ARHGAP40: variants seen among roughly 807,000 people sequenced by gnomAD.
ARHGAP40 encodes rho GTPase-activating protein 40.
In ARHGAP40, 43 loss-of-function variants were observed where a neutral mutation model predicts 73.5. The ratio of observed to expected loss-of-function variants is 0.58; its 90% CI spans 0.46 to 0.75. ARHGAP40 has a LOEUF of 0.75. ARHGAP40 is among the 30% of genes least tolerant of loss of function. The pLI, the probability that ARHGAP40 is intolerant of heterozygous loss-of-function variation, is 0.00. For synonymous variants in ARHGAP40, 300 were observed against 352.8 expected, an observed-to-expected ratio of 0.85 and a Z score of 1.68; for missense variants, 734 against 861.8, an observed-to-expected ratio of 0.85 and a Z score of 1.86.
At chr20:38,648,683 G>T in exon 14 of ARHGAP40, 1 of 1,305,792 alleles carries the variant, frequency 7.7e-7, no homozygotes, top group Non-Finnish European at 1.0e-6. Context: ...CCTCTATGAA[G>T]TTGGAGGGAA....
At chr20:38,636,483 G>A (rs559001165) in intron 6 of ARHGAP40, among the ~76,000 whole-genome samples, 13 of 151,916 alleles carry the variant, frequency 8.6e-5, no homozygotes, top group Non-Finnish European at 1.8e-4. Context: ...GACCGGTCTC[G>A]AACTCCTGGG....
In ARHGAP40 at chr20:38,603,410, T is replaced by TATCA. The variant is rs1298743976; in HGVS notation, c.137+1334_137+1335insAATC. Among the ~76,000 whole-genome samples the TATCA allele has an allele frequency of 1.2e-4, 4 of 34,428 alleles. No homozygotes were observed. The African/African-American group carries it at 1.3e-3, about 11-fold the overall frequency. The allele number at this position is 34,428 out of a possible 152,430, so 22.6% of individuals were successfully genotyped here. ...CCAAAGACAAGTTTGTTTATCTGTC[T>TATCA]ATCTATCTATCTATCTATCTATCTA... On this transcript the variant is annotated intron_variant, in intron 1 of 14. Transcript: ENST00000373345.
At chr20:38,617,962 GTC>G (rs2088852008) in intron 1 of ARHGAP40, among the ~76,000 whole-genome samples, 1 of 152,224 alleles carries the variant, frequency 6.6e-6, no homozygotes, top group South Asian at 2.1e-4. Context: ...GCCCCAGGTA[GTC>G]TCTGTTAGCT....
intron 11 of ARHGAP40, among the ~76,000 whole-genome samples, chr20:38,644,555 C>T (rs1050810064): frequency 6.6e-6 from 1 of 151,978 alleles, no homozygotes; most frequent in Non-Finnish European, 1.5e-5. Flanking sequence ...ATCCATCCAC[C>T]CACTCACCCA....
intron 1 of ARHGAP40, among the ~76,000 whole-genome samples, chr20:38,607,378 C>G (rs548156655): frequency 6.6e-6 from 1 of 152,312 alleles, no homozygotes; most frequent in African/African-American, 2.4e-5. Context: ...CACCTCAGAT[C>G]CGCAGCTCAG....
intron 1 of ARHGAP40, among the ~76,000 whole-genome samples, chr20:38,609,478 C>T (rs2088792148): frequency 6.6e-6 from 1 of 152,212 alleles, no homozygotes; most frequent in Non-Finnish European, 1.5e-5. Flanking sequence ...TCAATATCTG[C>T]TCTGTTTTGG....
chr20:38,622,310 C>T (rs2088877802), intron 1 of ARHGAP40, among the ~76,000 whole-genome samples: 1 of 152,118 alleles, frequency 6.6e-6, no homozygotes, highest in Non-Finnish European at 1.5e-5. Flanking sequence ...AAATGGATTT[C>T]TTCCCTCTCT....
At chr20:38,647,376 GTTGGT>G (rs2145616980) in intron 13 of ARHGAP40, among the ~76,000 whole-genome samples, 1 of 25,112 alleles carries the variant, frequency 4.0e-5, no homozygotes, top group African/African-American at 2.9e-4. Context: ...ATGTTTTTCT[GTTGGT>G]TTGTTTGTTT....
rs1377500704 is a variant in ARHGAP40, at chr20:38,646,732, C to T, written c.1711-225C>T. ...CCTGCTGTGTGTACAAGTGCACCGA[C>T]ACAGGCATAGAAACACAAACATAGG... On this transcript the variant is annotated intron_variant, in intron 12 of 14. Coordinates refer to ENST00000373345, the Ensembl canonical transcript of ARHGAP40. This position sits in a 1 kb window ranked among gnomAD's most constrained non-coding sequence, Gnocchi z 4.5. Among the ~76,000 whole-genome samples the T allele has an allele frequency of 1.3e-5, 2 of 152,160 alleles. No individual in the cohort carries two copies. The highest frequency in any genetic ancestry group is 4.8e-5 in the African/African-American group (2 of 41,414).
At position 38,640,141 on chromosome 20, in the gene ARHGAP40, T is replaced by TC. The variant is rs1181831012; in HGVS notation, c.1279+755_1279+756insC. Among the ~76,000 whole-genome samples the TC allele has an allele frequency of 9.0e-3, 350 of 38,696 alleles. 2 individuals are homozygous for TC. The highest frequency in any genetic ancestry group is 0.035 in the African/African-American group (336 of 9,570). 25.4% of individuals were successfully genotyped at this position (38,696 alleles called of 152,430 possible). ...CTCTTCTTCCTCTTCTTTCTTCTTC[T>TC]TTCTTCTTCCTCTTCTTTCTTCTTT... On this transcript the variant is annotated intron_variant, in intron 9 of 14. Transcript: ENST00000373345.
chr20:38,624,201 G>A (rs997555029), intron 2 of ARHGAP40, among the ~76,000 whole-genome samples: 6 of 152,052 alleles, frequency 3.9e-5, no homozygotes, highest in Non-Finnish European at 7.4e-5. Context: ...GCCTGGTGGT[G>A]GATGTGACCA....
chr20:38,612,957 C>T (rs1354402307), intron 1 of ARHGAP40, among the ~76,000 whole-genome samples: 1 of 152,206 alleles, frequency 6.6e-6, no homozygotes, highest in Non-Finnish European at 1.5e-5. Flanking sequence ...CTGGCAAGCA[C>T]CACAGGGCTG....
intron 10 of ARHGAP40, among the ~76,000 whole-genome samples, chr20:38,642,714 ATCCATCCATCCATCCT>A (rs11274734): frequency 0.49 from 73,821 of 149,930 alleles, 18,483 homozygotes; most frequent in East Asian, 0.58. Flanking sequence ...TTCTCCATTC[ATCCATCCATCCATCCT>A]TCCATCCATC....
intron 2 of ARHGAP40, among the ~76,000 whole-genome samples, chr20:38,624,157 G>A (rs2088887580): frequency 6.6e-6 from 1 of 152,168 alleles, no homozygotes; most frequent in Admixed American, 6.5e-5. Context: ...GGTAGCTGGG[G>A]CTGGACTCAT....
rs1057039978 is a variant in ARHGAP40 at position 38,623,503 on chromosome 20, G to A, written c.282G>A (p.Gln94=). 3 of 1,290,804 alleles carry A rather than the reference G, an allele frequency of 2.3e-6. No individual in the cohort carries two copies. In the African/African-American group the frequency reaches 4.6e-5, roughly 20 times the overall value. 80.0% of individuals were successfully genotyped at this position (1,290,804 alleles called of 1,614,324 possible). Residue 94 remains glutamine, a synonymous_variant, in exon 2 of 15, where the codon CAG becomes CAA. Transcript: ENST00000373345. Reference sequence around the variant, plus strand: ...GGATGGAGGTGGAACAGATCCAACAGAGAGATGAGCTGAGGGAAGAGGACA... The same window carrying A: ...GGATGGAGGTGGAACAGATCCAACAAAGAGATGAGCTGAGGGAAGAGGACA...
intron 6 of ARHGAP40, among the ~76,000 whole-genome samples, chr20:38,636,227 A>G (rs1247992326): frequency 6.6e-6 from 1 of 152,044 alleles, no homozygotes; most frequent in East Asian, 1.9e-4. Flanking sequence ...TACCACAACT[A>G]TTAAATATTC....
chr20:38,642,278 A>G (rs1485837077), intron 10 of ARHGAP40, among the ~76,000 whole-genome samples: 1 of 152,172 alleles, frequency 6.6e-6, no homozygotes, highest in African/African-American at 2.4e-5. Context: ...AGTTTGGGAA[A>G]CAGACCCTTA....
chr20:38,605,675 C>T (rs752192673), intron 1 of ARHGAP40, among the ~76,000 whole-genome samples: 3 of 152,168 alleles, frequency 2.0e-5, no homozygotes, highest in Admixed American at 2.0e-4. Flanking sequence ...CCCACAAGAA[C>T]AGCAATTGTG....
intron 9 of ARHGAP40, 148 bp downstream of exon 9, chr20:38,639,534 T>G: frequency 1.1e-6 from 1 of 946,600 alleles, no homozygotes; most frequent in Non-Finnish European, 1.4e-6. Context: ...AAGAAGCAAG[T>G]GTGAACATGT....
Sources: gnomAD v4.1 joint callset for allele counts (sites outside exome capture counted in the v4.1 genomes callset) on GRCh38, gnomAD v4.1.1 for gene constraint, Gnocchi (gnomAD v3.1) non-coding constraint, MANE v1.5 for transcripts, NCBI Gene and HGNC (gene_info 2026-07-23, HGNC 2026-07-21) for gene names.